ADAM32: variants seen among roughly 807,000 people sequenced by gnomAD.
ADAM32 encodes the protein ADAM metallopeptidase domain 32, also known as disintegrin and metalloproteinase domain-containing protein 32.
ADAM32 carries 89 observed loss-of-function variants against 114.9 expected under a neutral mutation model. The ratio of observed to expected loss-of-function variants is 0.77; its 90% CI spans 0.65 to 0.92. The LOEUF is 0.92. ADAM32 is among the 40% of genes least tolerant of loss of function. The pLI, the probability that ADAM32 is intolerant of heterozygous loss-of-function variation, is 0.00. For synonymous variants in ADAM32, 285 were observed against 307.5 expected, an observed-to-expected ratio of 0.93 and a Z score of 0.77; for missense variants, 870 against 932.8, an observed-to-expected ratio of 0.93 and a Z score of 0.88.
intron 3 of ADAM32, among the ~76,000 whole-genome samples, chr8:39,144,218 G>A (rs372159351): frequency 6.6e-6 from 1 of 152,092 alleles, no homozygotes; most frequent in African/African-American, 2.4e-5. Context: ...CTTTCCCTCC[G>A]TGGGCTGTAC....
At chr8:39,144,352 T>G (rs190684052) in intron 3 of ADAM32, among the ~76,000 whole-genome samples, 196 of 152,354 alleles carry the variant, frequency 1.3e-3, no homozygotes, top group African/African-American at 4.4e-3. Flanking sequence ...TCAGCCATCT[T>G]GGAAGCAAGC....
intron 1 of ADAM32, among the ~76,000 whole-genome samples, chr8:39,117,881 G>A (rs1175997361): frequency 1.3e-5 from 2 of 151,990 alleles, no homozygotes; most frequent in African/African-American, 2.4e-5. Context: ...TTTTGTGCGA[G>A]CTGCATACCT....
intron 16 of ADAM32, among the ~76,000 whole-genome samples, chr8:39,240,561 T>G (rs1810490907): frequency 6.6e-6 from 1 of 152,204 alleles, no homozygotes; most frequent in South Asian, 2.1e-4. Flanking sequence ...GACTGGGCAA[T>G]TTACAAAAGA....
Position 39,186,891 on chromosome 8 carries a change from T to C in ADAM32, c.916-18T>C. The C allele has an allele frequency of 1.3e-6, 2 of 1,556,756 alleles. No individual in the cohort carries two copies. The highest frequency in any genetic ancestry group is 1.2e-5 in the South Asian group (1 of 80,494). On this transcript the variant is annotated intron_variant, in intron 10 of 24. Transcript: ENST00000379907. ...AGAGAATTATCTTTCCTTAGAATTT[T>C]CTTTGTTGTTATTATAGTACCCCAA...
chr8:39,224,857 A>G (rs933002230), intron 14 of ADAM32, among the ~76,000 whole-genome samples: 3 of 152,176 alleles, frequency 2.0e-5, no homozygotes, highest in African/African-American at 7.2e-5. Context: ...CTCTGGCAGC[A>G]CGGCAGAGAA....
chr8:39,170,625 T>G (rs1407276719), intron 10 of ADAM32, among the ~76,000 whole-genome samples: 1 of 151,864 alleles, frequency 6.6e-6, no homozygotes, highest in East Asian at 1.9e-4. Context: ...TTGTTGAGTA[T>G]ATATATATAG....
At chr8:39,137,559 C>A (rs1802876318) in intron 3 of ADAM32, among the ~76,000 whole-genome samples, 1 of 151,912 alleles carries the variant, frequency 6.6e-6, no homozygotes, top group Admixed American at 6.6e-5. Context: ...CTCCTGAGGT[C>A]AGGAGTTTGA....
At chr8:39,227,236 A>G (rs1241430693) in intron 14 of ADAM32, among the ~76,000 whole-genome samples, 1 of 152,176 alleles carries the variant, frequency 6.6e-6, no homozygotes, top group Non-Finnish European at 1.5e-5. Context: ...CCTCTCCTGA[A>G]CACACACCCC....
intron 2 of ADAM32, among the ~76,000 whole-genome samples, chr8:39,130,690 T>C (rs1802389765): frequency 6.6e-6 from 1 of 152,190 alleles, no homozygotes; most frequent in Non-Finnish European, 1.5e-5. Context: ...TTTTCAAATT[T>C]TTGAGGATTT....
intron 11 of ADAM32, among the ~76,000 whole-genome samples, chr8:39,195,388 C>T (rs1331335823): frequency 2.0e-5 from 3 of 152,158 alleles, no homozygotes; most frequent in African/African-American, 2.4e-5. Context: ...CAGATTGTCT[C>T]TTCATTCCAT....
chr8:39,139,143 A>T (rs946201978), intron 3 of ADAM32, among the ~76,000 whole-genome samples: 1 of 152,052 alleles, frequency 6.6e-6, no homozygotes, highest in Non-Finnish European at 1.5e-5. Context: ...CACTCTGATG[A>T]TAGTTTCTTT....
chr8:39,239,002 G>T (rs189801233), intron 16 of ADAM32, among the ~76,000 whole-genome samples: 46 of 152,180 alleles, frequency 3.0e-4, no homozygotes, highest in Non-Finnish European at 6.0e-4. Context: ...TTATTTGAGG[G>T]AATAATCAAG....
intron 10 of ADAM32, among the ~76,000 whole-genome samples, chr8:39,184,761 A>C (rs1425928135): frequency 1.3e-5 from 2 of 152,212 alleles, no homozygotes; most frequent in Non-Finnish European, 2.9e-5. Flanking sequence ...ACTCATGTTA[A>C]GTTTTTGCCA....
At chr8:39,157,706 T>G in intron 6 of ADAM32, 21 of 989,808 alleles carry the variant, frequency 2.1e-5, no homozygotes, top group Non-Finnish European at 3.0e-5. Flanking sequence ...TTGTGGAGGA[T>G]GAGCGCTTGC....
chr8:39,263,735 C>A (rs1174990798), intron 19 of ADAM32, among the ~76,000 whole-genome samples: 1 of 152,140 alleles, frequency 6.6e-6, no homozygotes, highest in Non-Finnish European at 1.5e-5. Context: ...ACTGGTGGAT[C>A]TGTTTTCTGT....
At chr8:39,143,106 C>G (rs1322173862) in intron 3 of ADAM32, among the ~76,000 whole-genome samples, 1 of 152,182 alleles carries the variant, frequency 6.6e-6, no homozygotes, top group Non-Finnish European at 1.5e-5. Flanking sequence ...AGCCATTTGT[C>G]TAACCTTTTT....
intron 19 of ADAM32, among the ~76,000 whole-genome samples, chr8:39,264,279 A>G (rs559941543): frequency 3.3e-5 from 5 of 152,126 alleles, no homozygotes; most frequent in Admixed American, 1.3e-4. Flanking sequence ...TCATGGTTCA[A>G]TCATGGTAGG....
intron 1 of ADAM32, among the ~76,000 whole-genome samples, chr8:39,115,507 G>C (rs1840337392): frequency 6.6e-6 from 1 of 151,770 alleles, no homozygotes; most frequent in Non-Finnish European, 1.5e-5. Flanking sequence ...TTTTTCTAAT[G>C]ATAAGTTTTT....
rs780911489 is a variant in ADAM32 at position 39,172,949 on chromosome 8, AT to A, written c.915+2954del. Among the ~76,000 whole-genome samples the A allele has an allele frequency of 1.4e-4, 21 of 152,284 alleles. 1 individual carries two copies. The highest frequency in any genetic ancestry group is 1.9e-4 in the Non-Finnish European group (13 of 68,024). ...TTCCACAATGGCTGAACTAATTTAC[AT>A]TCCCACCAACAGTCTAAACATGTTC... is the stretch of plus-strand genomic sequence containing the variant. On this transcript the variant is annotated intron_variant, in intron 10 of 24. Transcript: ENST00000379907.
Sources: gnomAD v4.1 joint callset for allele counts (sites outside exome capture counted in the v4.1 genomes callset) on GRCh38, gnomAD v4.1.1 for gene constraint, MANE v1.5 for transcripts, NCBI Gene and HGNC (gene_info 2026-07-23, HGNC 2026-07-21) for gene names.